Variants in NAA50 observed in about 807,000 individuals in gnomAD.
The protein encoded by NAA50 is N-alpha-acetyltransferase 50.
NAA50 carries 7 observed loss-of-function variants against 20.7 expected under a neutral mutation model. That is an observed-to-expected ratio of 0.34 (90% confidence interval 0.19 to 0.63). NAA50 has a LOEUF of 0.63. NAA50 is among the 30% of genes least tolerant of loss of function. The pLI is 0.75. For synonymous variants in NAA50, 54 were observed against 70.6 expected, an observed-to-expected ratio of 0.77 and a Z score of 1.18; for missense variants, 111 against 199.1, an observed-to-expected ratio of 0.56 and a Z score of 2.66.
chr3:113,735,730 C>A (rs904663513), intron 1 of NAA50, among the ~76,000 whole-genome samples: 1 of 152,242 alleles, frequency 6.6e-6, no homozygotes, highest in Admixed American at 6.5e-5. Flanking sequence ...GAAGCTCAGG[C>A]TAGAGTGCAG....
intron 1 of NAA50, among the ~76,000 whole-genome samples, chr3:113,728,329 T>C (rs1334590809): frequency 6.6e-6 from 1 of 152,236 alleles, no homozygotes; most frequent in Non-Finnish European, 1.5e-5. Flanking sequence ...TCAATAAATA[T>C]TTGAGTATCT....
chr3:113,732,879 G>A (rs1298738384), intron 1 of NAA50, among the ~76,000 whole-genome samples: 1 of 152,166 alleles, frequency 6.6e-6, no homozygotes, highest in Admixed American at 6.5e-5. Context: ...CATCAGTAAT[G>A]TATCAGGGTT....
intron 1 of NAA50, among the ~76,000 whole-genome samples, chr3:113,742,081 C>T (rs922363204): frequency 1.3e-5 from 2 of 152,044 alleles, no homozygotes; most frequent in African/African-American, 4.8e-5. Flanking sequence ...CTCAACACAG[C>T]AAGGGCACAT....
intron 1 of NAA50, among the ~76,000 whole-genome samples, chr3:113,732,418 A>G (rs1049038743): frequency 6.6e-6 from 1 of 152,212 alleles, no homozygotes; most frequent in Non-Finnish European, 1.5e-5. Context: ...TCCTAGGGCT[A>G]TCTTTAAAAA....
In NAA50 at chr3:113,740,125, A is replaced by G. The variant is rs553690143; in HGVS notation, c.8+5817T>C. ...TAGAAGTTTTTTTTCATTCAAGTTTAGCATCCACATTTACAAGGGGAAGAA... is the reference window on the plus strand; with the variant it reads ...TAGAAGTTTTTTTTCATTCAAGTTTGGCATCCACATTTACAAGGGGAAGAA... On this transcript the variant is annotated intron_variant, in intron 1 of 4. Transcript: ENST00000240922. Among the ~76,000 whole-genome samples the G allele has an allele frequency of 1.8e-3, 273 of 152,316 alleles. 1 individual carries two copies. The highest frequency in any genetic ancestry group is 6.1e-3 in the African/African-American group (255 of 41,568).
At chr3:113,730,686 C>A (rs1013469922) in intron 1 of NAA50, among the ~76,000 whole-genome samples, 2 of 152,182 alleles carry the variant, frequency 1.3e-5, no homozygotes, top group Non-Finnish European at 2.9e-5. Flanking sequence ...AATGGAATCA[C>A]AAAATACATA....
intron 1 of NAA50, among the ~76,000 whole-genome samples, chr3:113,730,564 CAATTT>C (rs1261180917): frequency 6.6e-6 from 1 of 151,980 alleles, no homozygotes; most frequent in Admixed American, 6.6e-5. Context: ...CCAAAATATA[CAATTT>C]AATTACTCCC....
At chr3:113,723,937 C>CA (rs759015612) in intron 2 of NAA50, 22 bp downstream of exon 2, 23,615 of 1,105,520 alleles carry the variant, frequency 0.021, 1 homozygote, top group South Asian at 0.039. Context: ...GAAGGGAGGA[C>CA]AAAAAAAAAA....
chr3:113,740,384 CAG>C (rs2107994837), intron 1 of NAA50, among the ~76,000 whole-genome samples: 1 of 152,292 alleles, frequency 6.6e-6, no homozygotes, highest in African/African-American at 2.4e-5. Context: ...CTTTTTGAGA[CAG>C]GGTCTCCCTC....
chr3:113,745,902 T>A (rs1449143450), intron 1 of NAA50, 40 bp downstream of exon 1: 2 of 1,599,988 alleles, frequency 1.3e-6, no homozygotes, highest in Admixed American at 3.4e-5. Context: ...CGGACCCTTC[T>A]ACCCCACCGG....
rs1173808255 is a variant in NAA50, at chr3:113,719,966, T to C, written c.*1794A>G. 6.6e-6 allele frequency: 1 copy of C among 152,668 alleles called. No homozygotes were observed. The highest frequency in any genetic ancestry group is 1.5e-5 in the Non-Finnish European group (1 of 68,030). The allele number at this position is 152,668 out of a possible 1,614,324, so 9.5% of individuals were successfully genotyped here. ...CTTGCCAAGAGCAAGCTGAAGCTTA[T>C]TCATGAAGATAAAGGTGCTTAACGC... On this transcript the variant is annotated 3_prime_UTR_variant, in exon 5 of 5. Coordinates refer to ENST00000240922, the MANE Select transcript of NAA50 (RefSeq NM_025146.4).
Position 113,720,876 on chromosome 3 carries a change from G to A in NAA50, c.*884C>T, listed in dbSNP as rs1275748121. The stretch of plus-strand genomic sequence containing the variant: ...TTTATTTAGGGGTAGTGACCTATAA[G>A]GACATCAACTCAATTTTTAAGGTTA... On this transcript the variant is annotated 3_prime_UTR_variant, in exon 5 of 5. Transcript: ENST00000240922. The A allele has an allele frequency of 1.3e-5, 2 of 152,374 alleles. No homozygotes were observed. Among genetic ancestry groups the A allele is most frequent in the African/African-American group, 2.4e-5 (1 of 41,364 alleles). 9.4% of individuals were successfully genotyped at this position (152,374 alleles called of 1,614,324 possible). A position where few individuals can be genotyped will look rare whatever the true frequency, so the allele number is the denominator to read the frequency against.
At chr3:113,744,861 T>C (rs1048628365) in intron 1 of NAA50, among the ~76,000 whole-genome samples, 1 of 152,232 alleles carries the variant, frequency 6.6e-6, no homozygotes, top group African/African-American at 2.4e-5. Flanking sequence ...ATTTAGGTCC[T>C]TGTTTGGGGC....
chr3:113,727,792 GT>G (rs1708217679), intron 1 of NAA50, among the ~76,000 whole-genome samples: 1 of 152,052 alleles, frequency 6.6e-6, no homozygotes, highest in Non-Finnish European at 1.5e-5. Context: ...TTTAAGTATT[GT>G]TTGGTAGCTG....
intron 1 of NAA50, among the ~76,000 whole-genome samples, chr3:113,726,765 A>C (rs1274881761): frequency 6.6e-6 from 1 of 151,970 alleles, no homozygotes; most frequent in Non-Finnish European, 1.5e-5. Flanking sequence ...AAAGAAAGAA[A>C]GAAAGAAAAA....
intron 1 of NAA50, among the ~76,000 whole-genome samples, chr3:113,730,548 C>A (rs1166318321): frequency 6.6e-6 from 1 of 151,902 alleles, no homozygotes; most frequent in Admixed American, 6.6e-5. Flanking sequence ...AATCATGTAA[C>A]CATTACCAAA....
rs1391725698 is a variant in NAA50, at chr3:113,719,437, A to C, written c.*2323T>G. 6.6e-6 allele frequency: 1 copy of C among 152,620 alleles called. No homozygotes were observed. Among genetic ancestry groups the C allele is most frequent in the Non-Finnish European group, 1.5e-5 (1 of 68,004 alleles). 9.5% of individuals were successfully genotyped at this position (152,620 alleles called of 1,614,324 possible). Reference sequence around the variant, plus strand: ...CTACTTCAAAGATAATTATTATCATATATCAAAATAACCAGCTCAACATAG... The same window carrying C: ...CTACTTCAAAGATAATTATTATCATCTATCAAAATAACCAGCTCAACATAG... On this transcript the variant is annotated 3_prime_UTR_variant, in exon 5 of 5. Transcript: ENST00000240922.
At chr3:113,728,982 CCTTTT>C (rs1257396288) in intron 1 of NAA50, among the ~76,000 whole-genome samples, 4 of 151,628 alleles carry the variant, frequency 2.6e-5, no homozygotes, top group Non-Finnish European at 5.9e-5. Context: ...ACACTTTTTT[CCTTTT>C]CTTTTTTTTT....
intron 1 of NAA50, 171 bp downstream of exon 1, chr3:113,745,771 C>A: frequency 1.3e-6 from 1 of 798,772 alleles, no homozygotes; most frequent in Non-Finnish European, 1.9e-6. Context: ...CGCCAACAGC[C>A]CGAGCCTCGC....
Sources: allele counts gnomAD v4.1 joint callset (sites outside exome capture counted in the v4.1 genomes callset), GRCh38; gene constraint gnomAD v4.1.1; transcripts MANE v1.5; gene names NCBI Gene and HGNC (gene_info 2026-07-23, HGNC 2026-07-21).